The following IGSF9B variants were observed in gnomAD, a reference collection of about 807,000 sequenced individuals.
IGSF9B encodes the protein protein turtle homolog B.
Under a neutral mutation model 143.7 loss-of-function variants are expected in IGSF9B, and 48 were observed. That is an observed-to-expected ratio of 0.33 (90% CI 0.26 to 0.42). The LOEUF is 0.42. Ranked by LOEUF, IGSF9B falls within the 20% of genes least tolerant of loss-of-function variation. The pLI is 1.00. For missense variants in IGSF9B, 1,706 were observed against 1,980.0 expected, an observed-to-expected ratio of 0.86 and a Z score of 2.63; for synonymous variants, 903 against 833.1, an observed-to-expected ratio of 1.08 and a Z score of -1.44.
At chr11:133,940,973 C>T (rs560566545) in intron 3 of IGSF9B, among the ~76,000 whole-genome samples, 272 of 152,358 alleles carry the variant, frequency 1.8e-3, no homozygotes, top group Middle Eastern at 3.4e-3. Flanking sequence ...CCTTGAAATA[C>T]AGTGAACACA....
At position 133,948,079 on chromosome 11, in the gene IGSF9B, G is replaced by GTGTGTGTC. The variant is rs1565450553; in HGVS notation, c.65-1822_65-1821insGACACACA. Among the ~76,000 whole-genome samples, 1 of 144,062 alleles carries GTGTGTGTC rather than the reference G, an allele frequency of 6.9e-6. No homozygotes were observed. The highest frequency in any genetic ancestry group is 2.5e-5 in the African/African-American group (1 of 40,022). The allele number at this position is 144,062 out of a possible 152,430, so 94.5% of individuals were successfully genotyped here. On this transcript the variant is annotated intron_variant, in intron 1 of 19. Transcript: ENST00000533871. This position sits in a 1 kb window ranked among gnomAD's most constrained non-coding sequence, Gnocchi z 4.7. ...TGCGTGTGTGTGTGTGTGTGTGTGT[G>GTGTGTGTC]TGTGTGTGTGTCTGTGTGTGTTTCG...
At chr11:133,912,411 T>C (rs1939315222) in intron 18 of IGSF9B, 1 of 458,046 alleles carries the variant, frequency 2.2e-6, no homozygotes, top group South Asian at 1.6e-5. Flanking sequence ...TAAAAGGGCA[T>C]ATTAGAGCAG....
Position 133,903,461 on chromosome 11 carries a change from C to T in IGSF9B, c.*5608G>A, listed in dbSNP as rs1939171237. Among the ~76,000 whole-genome samples, 1 of 152,222 alleles carries T rather than the reference C, an allele frequency of 6.6e-6. No individual in the cohort carries two copies. The highest frequency in any genetic ancestry group is 1.5e-5 in the Non-Finnish European group (1 of 68,046). On this transcript the variant is annotated 3_prime_UTR_variant, in exon 20 of 20. Transcript: ENST00000533871. Reference sequence around the variant, plus strand: ...CTGTCTTCTACACCGCAGAAGACAACACCCATGTGATTTTAATGACTGGCC... The same window carrying T: ...CTGTCTTCTACACCGCAGAAGACAATACCCATGTGATTTTAATGACTGGCC...
rs1940270502 is a variant in IGSF9B, at chr11:133,956,960, A to G, written c.-206T>C. On this transcript the variant is annotated 5_prime_UTR_variant, in exon 1 of 20. Coordinates refer to ENST00000533871, the MANE Select transcript of IGSF9B (RefSeq NM_001277285.4). ...GCCTCCCCGGCCCCGGCGCAGCGGC[A>G]CCTGCACTACTCGCCCGGGCGGAGC... 2.7e-6 allele frequency: 1 copy of G among 372,722 alleles called. No homozygotes were observed. The highest frequency in any genetic ancestry group is 4.8e-6 in the Non-Finnish European group (1 of 208,746). 23.1% of individuals were successfully genotyped at this position (372,722 alleles called of 1,614,324 possible).
At chr11:133,940,094 C>T (rs1939905038) in intron 3 of IGSF9B, among the ~76,000 whole-genome samples, 1 of 146,728 alleles carries the variant, frequency 6.8e-6, no homozygotes, top group Admixed American at 6.8e-5. Context: ...CACGTCCCCG[C>T]ACGCATCATC....
In IGSF9B at chr11:133,931,487, G is replaced by A; in HGVS notation, c.1334C>T (p.Ala445Val). ...AGTGATGACAGGAAAGGGGTCCCCT[G>A]CGGCAGCACAGGGGATAAGTAGCTC... ...GRELLIPCAA[A>V]GDPFPVITWR... The change falls in exon 10 of 20, where the codon GCA becomes GTA. Residue 445 changes from alanine (A) to valine (V), a missense_variant. This residue lies in a region of IGSF9B where 238 missense variants were observed against 452.6 expected (regional missense o/e 0.53). Transcript: ENST00000533871. This position sits in a 1 kb window ranked among gnomAD's most constrained non-coding sequence, Gnocchi z 7.7. The A allele has an allele frequency of 6.2e-7, 1 of 1,613,128 alleles. No individual in the cohort carries two copies. Among genetic ancestry groups the A allele is most frequent in the Non-Finnish European group, 8.5e-7 (1 of 1,179,752 alleles).
At chr11:133,940,974 A>G (rs1034436756) in intron 3 of IGSF9B, among the ~76,000 whole-genome samples, 45 of 152,238 alleles carry the variant, frequency 3.0e-4, no homozygotes, top group Non-Finnish European at 6.3e-4. Flanking sequence ...CTTGAAATAC[A>G]GTGAACACAG....
chr11:133,950,301 C>T (rs903744491), intron 1 of IGSF9B, among the ~76,000 whole-genome samples: 2 of 152,328 alleles, frequency 1.3e-5, no homozygotes, highest in African/African-American at 2.4e-5. Flanking sequence ...CAGGGCCGGG[C>T]GAGCATCAGC....
intron 7 of IGSF9B, among the ~76,000 whole-genome samples, chr11:133,934,776 G>A (rs559860110): frequency 6.6e-6 from 1 of 152,300 alleles, no homozygotes; most frequent in Non-Finnish European, 1.5e-5. Flanking sequence ...CCCCGGTCTT[G>A]TCTCCAGACT....
intron 18 of IGSF9B, chr11:133,919,125 G>GGGGT: frequency 3.5e-5 from 12 of 345,282 alleles, no homozygotes; most frequent in South Asian, 1.2e-4. Context: ...ATACGGGGGG[G>GGGGT]GGGTGGGGGA....
rs773101354 is a variant in IGSF9B at position 133,931,631 on chromosome 11, G to A, written c.1251+24C>T. 4 of 1,608,066 alleles carry A rather than the reference G, an allele frequency of 2.5e-6. No homozygotes were observed. The highest frequency in any genetic ancestry group is 2.6e-6 in the Non-Finnish European group (3 of 1,176,222). On this transcript the variant is annotated intron_variant, in intron 9 of 19. Coordinates refer to ENST00000533871, the MANE Select transcript of IGSF9B (RefSeq NM_001277285.4). The surrounding 1 kb of genome is among the most constrained non-coding windows in gnomAD (Gnocchi z 7.7). ...GGATCCAGGTGCCCAGCTCATGGAG[G>A]CCGTCACAGCCCTGGGACCTCACCT...
Position 133,935,631 on chromosome 11 carries a change from T to C in IGSF9B, c.953A>G (p.Tyr318Cys). Residue 318 changes from tyrosine (Y) to cysteine (C), a missense_variant, in exon 7 of 20, where the codon TAC becomes TGC. Coordinates refer to ENST00000533871, the MANE Select transcript of IGSF9B (RefSeq NM_001277285.4). ...CCCCTACTCACACTGCACGGTCAGG[T>C]ACGCCGAGGCGGAGGGGGAGCGCCC... ...SLGRSPSASA[Y>C]LTVQYPARVL... is the part of the protein sequence containing the mutation. 1 of 1,610,466 alleles carries C rather than the reference T, an allele frequency of 6.2e-7. No individual in the cohort carries two copies. The highest frequency in any genetic ancestry group is 8.5e-7 in the Non-Finnish European group (1 of 1,178,756).
intron 1 of IGSF9B, among the ~76,000 whole-genome samples, chr11:133,950,001 G>A (rs1940129512): frequency 6.6e-6 from 1 of 152,330 alleles, no homozygotes; most frequent in African/African-American, 2.4e-5. Context: ...GAGAAAGTAG[G>A]AGGGCAAGGA....
chr11:133,927,106 G>C lies in IGSF9B; in HGVS notation c.1632-15C>G, dbSNP rs1565431642. The C allele has an allele frequency of 1.3e-6, 2 of 1,541,768 alleles. No individual in the cohort carries two copies. The highest frequency in any genetic ancestry group is 1.8e-6 in the Non-Finnish European group (2 of 1,138,368). On this transcript the variant is annotated splice_polypyrimidine_tract_variant and intron_variant, in intron 12 of 19. Coordinates refer to ENST00000533871, the MANE Select transcript of IGSF9B (RefSeq NM_001277285.4). ...CCCGCTTCATCCTGGCCAAAAGAGA[G>C]AGACAGGATAGGGGACGAGGGGCGG...
chr11:133,937,331 C>A, intron 5 of IGSF9B, 45 bp downstream of exon 5: 1 of 1,430,036 alleles, frequency 7.0e-7, no homozygotes. Context: ...GCTGGACATC[C>A]CCGCGGGAGC....
In IGSF9B at chr11:133,921,052, C is replaced by G; in HGVS notation, c.2673G>C (p.Gln891His). Residue 891 changes from glutamine (Q) to histidine (H), a missense_variant, in exon 18 of 20, where the codon CAG (glutamine) becomes CAC (histidine). Physicochemically the swap from Gln to His is conservative, Grantham distance 24. Around this residue, in one of 7 missense-constraint regions of IGSF9B, gnomAD observed 880 missense variants for 762.9 expected, o/e 1.15. Transcript: ENST00000533871. ...EETDMYPEFR[Q>H]SDEENEDPLV... ...GTGGGTCCTCGTTCTCCTCGTCCGA[C>G]TGGCGGAACTCGGGGTACATGTCCG... The G allele has an allele frequency of 6.2e-7, 1 of 1,613,912 alleles. No homozygotes were observed. The highest frequency in any genetic ancestry group is 8.5e-7 in the Non-Finnish European group (1 of 1,179,858).
At chr11:133,927,411 G>A (rs1023524608) in intron 12 of IGSF9B, among the ~76,000 whole-genome samples, 6 of 152,236 alleles carry the variant, frequency 3.9e-5, no homozygotes, top group Non-Finnish European at 8.8e-5. Context: ...ACAACCCTAA[G>A]AACAAGCTCT....
chr11:133,909,891 A>G lies in IGSF9B; in HGVS notation c.4106-614T>C, dbSNP rs1939274098. 6.6e-6 allele frequency among the ~76,000 whole-genome samples: 1 copy of G among 152,238 alleles called. No homozygotes were observed. The highest frequency in any genetic ancestry group is 6.5e-5 in the Admixed American group (1 of 15,282). ...ATTTGCAGTTACTGAAAATACTACAAAGATAAAATAGGGTCAACTGAGGCA... is the reference window on the plus strand; with the variant it reads ...ATTTGCAGTTACTGAAAATACTACAGAGATAAAATAGGGTCAACTGAGGCA... On this transcript the variant is annotated intron_variant, in intron 19 of 19. Transcript: ENST00000533871. This position sits in a 1 kb window ranked among gnomAD's most constrained non-coding sequence, Gnocchi z 4.2.
chr11:133,942,708 T>G (rs1253438026), intron 3 of IGSF9B, among the ~76,000 whole-genome samples: 1 of 152,202 alleles, frequency 6.6e-6, no homozygotes, highest in Non-Finnish European at 1.5e-5. Flanking sequence ...AGCGGCAGAT[T>G]TGCCTTCCTA....
Sources: gnomAD v4.1 joint callset for allele counts (sites outside exome capture counted in the v4.1 genomes callset) on GRCh38, gnomAD v4.1.1 for gene constraint, gnomAD v4.1.1 regional missense constraint, Gnocchi (gnomAD v3.1) non-coding constraint, MANE v1.5 for transcripts, NCBI Gene and HGNC (gene_info 2026-07-23, HGNC 2026-07-21) for gene names.